Variants in PDZD2 observed in about 807,000 individuals in gnomAD.
PDZD2 encodes the protein PDZ domain-containing protein 2.
Under a neutral mutation model 220.7 loss-of-function variants are expected in PDZD2, and 90 were observed. The ratio of observed to expected loss-of-function variants is 0.41; its 90% CI spans 0.34 to 0.49. The LOEUF (loss-of-function observed/expected upper bound fraction) is 0.49, where lower values mean the gene tolerates loss of function less well. Ranked by LOEUF, PDZD2 falls within the 20% of genes least tolerant of loss-of-function variation. The pLI is 0.28. For missense variants in PDZD2, 3,174 were observed against 3,608.5 expected (o/e 0.88, Z 3.08); for synonymous variants, 1,375 against 1,450.5 (o/e 0.95, Z 1.18).
At chr5:32,075,599 G>A (rs940144908) in intron 18 of PDZD2, among the ~76,000 whole-genome samples, 2 of 152,174 alleles carry the variant, frequency 1.3e-5, no homozygotes, top group Admixed American at 6.5e-5. Context: ...ACTTGGTTAC[G>A]AGTATGTTAG....
At chr5:31,958,668 TGGAGAGCAGTGGTGCAATCACA>T (rs1191656479) in intron 2 of PDZD2, among the ~76,000 whole-genome samples, 1 of 152,190 alleles carries the variant, frequency 6.6e-6, no homozygotes, top group East Asian at 1.9e-4. Flanking sequence ...TCACCCAGGC[TGGAGAGCAGTGGTGCAATCACA>T]GCTCACTGCA....
chr5:32,011,269 G>T (rs1290055116), intron 6 of PDZD2, among the ~76,000 whole-genome samples: 1 of 150,984 alleles, frequency 6.6e-6, no homozygotes, highest in Non-Finnish European at 1.5e-5. Flanking sequence ...TGGGTGGATT[G>T]CTTGAGCTCA....
intron 6 of PDZD2, among the ~76,000 whole-genome samples, chr5:32,020,022 T>C (rs997140691): frequency 1.3e-5 from 2 of 151,614 alleles, no homozygotes; most frequent in Non-Finnish European, 1.5e-5. Context: ...AGCTGAAATG[T>C]AAAGTAGAAT....
Position 31,899,428 on chromosome 5 carries a change from G to A in PDZD2, c.477-83727G>A, listed in dbSNP as rs115421769. Among the ~76,000 whole-genome samples, 1,121 of 152,118 alleles carry A rather than the reference G, an allele frequency of 7.4e-3. 11 individuals are homozygous for A. The highest frequency in any genetic ancestry group is 0.025 in the African/African-American group (1,051 of 41,502). ...GATTACAGGCATGAGCCAGTGCGCC[G>A]GGCTGGAGCCTCTCTTTTCACAAGG... On this transcript the variant is annotated intron_variant, in intron 2 of 24. Transcript: ENST00000438447.
At chr5:32,095,105 A>C (rs991832579) in intron 21 of PDZD2, among the ~76,000 whole-genome samples, 1 of 152,196 alleles carries the variant, frequency 6.6e-6, no homozygotes. Context: ...TCAGAGGAGA[A>C]GACCAGACTG....
rs146826351 is a variant in PDZD2, at chr5:31,851,385, A to T, written c.476+51661A>T. On this transcript the variant is annotated intron_variant, in intron 2 of 24. Transcript: ENST00000438447. The stretch of plus-strand genomic sequence containing the variant: ...TTATCAGTGCAATATGCAGATTCCT[A>T]TTAAATGCATGATCTGCTGTGATCC... 5.2e-3 allele frequency among the ~76,000 whole-genome samples: 792 copies of T among 152,312 alleles called. 3 individuals carry two copies. Among genetic ancestry groups the T allele is most frequent in the Non-Finnish European group, 8.7e-3 (590 of 68,030 alleles).
In PDZD2 at chr5:31,840,947, T is replaced by G. The variant is rs376094803; in HGVS notation, c.476+41223T>G. On this transcript the variant is annotated intron_variant, in intron 2 of 24. Transcript: ENST00000438447. Reference sequence around the variant, plus strand: ...GCCTGGAGAACATACTGGGTGTCTCTCCTCTTTCTCTTTGTGTTTCTCATT... The same window carrying G: ...GCCTGGAGAACATACTGGGTGTCTCGCCTCTTTCTCTTTGTGTTTCTCATT... 5.2e-5 allele frequency: 24 copies of G among 461,874 alleles called. No homozygotes were observed. The East Asian group carries it at 7.4e-4, about 14-fold the overall frequency. 28.6% of individuals were successfully genotyped at this position (461,874 alleles called of 1,614,324 possible). A position where few individuals can be genotyped will look rare whatever the true frequency, so the allele number is the denominator to read the frequency against.
intron 1 of PDZD2, among the ~76,000 whole-genome samples, chr5:31,672,505 C>T (rs78484803): frequency 3.3e-5 from 5 of 152,320 alleles, no homozygotes; most frequent in African/African-American, 1.2e-4. Flanking sequence ...AACCCCACCT[C>T]CAGCCCAGGG....
intron 2 of PDZD2, among the ~76,000 whole-genome samples, chr5:31,914,059 G>A (rs1372319325): frequency 6.6e-6 from 1 of 152,180 alleles, no homozygotes; most frequent in Non-Finnish European, 1.5e-5. Flanking sequence ...CCCAACTACA[G>A]TGTGCCCCAA....
chr5:31,973,527 G>A (rs1443889307), intron 2 of PDZD2, among the ~76,000 whole-genome samples: 1 of 152,198 alleles, frequency 6.6e-6, no homozygotes, highest in Non-Finnish European at 1.5e-5. Flanking sequence ...TGCAGCTAAT[G>A]GTCCAATGAG....
intron 2 of PDZD2, among the ~76,000 whole-genome samples, chr5:31,850,006 A>G (rs1332837960): frequency 1.9e-4 from 20 of 106,006 alleles, no homozygotes; most frequent in Non-Finnish European, 2.1e-4. Context: ...ATATATATAT[A>G]TACACACACA....
chr5:31,857,235 G>A (rs376074406), intron 2 of PDZD2, among the ~76,000 whole-genome samples: 8 of 152,040 alleles, frequency 5.3e-5, no homozygotes, highest in African/African-American at 1.9e-4. Context: ...CTGCCCACTG[G>A]GTCCCTCCCT....
intron 1 of PDZD2, among the ~76,000 whole-genome samples, chr5:31,773,255 C>G (rs1752438270): frequency 6.6e-6 from 1 of 152,188 alleles, no homozygotes; most frequent in African/African-American, 2.4e-5. Flanking sequence ...CAAAAAAGCT[C>G]CTAGACTTAT....
chr5:31,689,353 A>ATATATATATATAT lies in PDZD2; in HGVS notation c.-361+49917_-361+49918insATATATATATATT. ...TACATATACATATATATATATATAT[A>ATATATATATATAT]TTTTTTTTTTTTTTTTTTTTAAGTC... On this transcript the variant is annotated intron_variant, in intron 1 of 24. Coordinates refer to ENST00000438447, the MANE Select transcript of PDZD2 (RefSeq NM_178140.4). 6.9e-3 allele frequency among the ~76,000 whole-genome samples: 242 copies of ATATATATATATAT among 35,132 alleles called. 6 individuals carry two copies. The highest frequency in any genetic ancestry group is 8.7e-3 in the Non-Finnish European group (207 of 23,926). The allele number at this position is 35,132 out of a possible 152,430, so 23.0% of individuals were successfully genotyped here.
intron 2 of PDZD2, among the ~76,000 whole-genome samples, chr5:31,932,313 C>T (rs1021108910): frequency 6.6e-6 from 1 of 152,138 alleles, no homozygotes; most frequent in Non-Finnish European, 1.5e-5. Flanking sequence ...CTTTAGGAGG[C>T]CGAGGCAGGC....
At chr5:32,007,070 C>G (rs920105669) in intron 5 of PDZD2, among the ~76,000 whole-genome samples, 2 of 152,008 alleles carry the variant, frequency 1.3e-5, no homozygotes, top group Non-Finnish European at 2.9e-5. Flanking sequence ...CGCCCGCCAC[C>G]ACGCCCGGCT....
At chr5:32,005,525 C>CAAA (rs397728983) in intron 5 of PDZD2, among the ~76,000 whole-genome samples, 9 of 131,632 alleles carry the variant, frequency 6.8e-5, no homozygotes, top group African/African-American at 2.4e-4. Flanking sequence ...GTAGACAACC[C>CAAA]AAAAAAAAAA....
chr5:31,861,385 A>C (rs190759541), intron 2 of PDZD2, among the ~76,000 whole-genome samples: 1 of 152,250 alleles, frequency 6.6e-6, no homozygotes, highest in Admixed American at 6.5e-5. Context: ...GAGTTGAGGC[A>C]GACCGTGGGC....
At chr5:31,869,206 G>T (rs1235607735) in intron 2 of PDZD2, among the ~76,000 whole-genome samples, 1 of 152,176 alleles carries the variant, frequency 6.6e-6, no homozygotes, top group Non-Finnish European at 1.5e-5. Context: ...TACTTCTACT[G>T]GTGAGAGGCT....
Sources: gnomAD v4.1 joint callset for allele counts (sites outside exome capture counted in the v4.1 genomes callset) on GRCh38, gnomAD v4.1.1 for gene constraint, MANE v1.5 for transcripts, NCBI Gene and HGNC (gene_info 2026-07-23, HGNC 2026-07-21) for gene names.